The following ZNF469 variants were observed in gnomAD, a reference collection of about 807,000 sequenced individuals.
ZNF469 encodes the protein zinc finger protein 469.
A neutral mutation model predicts 1.0 loss-of-function variants in ZNF469; 1 was observed. The observed-to-expected ratio is 1.00, with a 90% CI of 0.35 to 4.73. The LOEUF is 4.73. Among genes scored for constraint, ZNF469 ranks in the 30% most tolerant of loss-of-function variants. The pLI, the probability that ZNF469 is intolerant of heterozygous loss-of-function variation, is 0.16. For synonymous variants in ZNF469, 2,703 were observed against 2,363.4 expected (o/e 1.14, Z -4.17); for missense variants, 6,100 against 5,356.3 (o/e 1.14, Z -4.33).
the ZNF469 span, among the ~76,000 whole-genome samples, chr16:88,301,840 G>A: frequency 5.3e-5 from 8 of 152,104 alleles, no homozygotes; most frequent in Middle Eastern, 3.4e-3. Flanking sequence ...ATCTCCACTC[G>A]GGGCTCAGCA....
At chr16:88,252,667 C>G in the ZNF469 span, among the ~76,000 whole-genome samples, 7 of 152,326 alleles carry the variant, frequency 4.6e-5, no homozygotes, top group African/African-American at 9.6e-5. Flanking sequence ...GAGACTATGA[C>G]TTCATTTGAA....
the ZNF469 span, among the ~76,000 whole-genome samples, chr16:88,103,290 C>T: frequency 6.6e-6 from 1 of 152,250 alleles, no homozygotes; most frequent in African/African-American, 2.4e-5. Flanking sequence ...TCCTGTTTGT[C>T]CCCACAGCAG....
chr16:88,224,339 C>T, the ZNF469 span, among the ~76,000 whole-genome samples: 11 of 152,212 alleles, frequency 7.2e-5, no homozygotes, highest in Non-Finnish European at 1.0e-4. Flanking sequence ...CACAGCACCG[C>T]GGGGCCCCGC....
At chr16:88,343,684 G>A in the ZNF469 span, among the ~76,000 whole-genome samples, 4 of 152,020 alleles carry the variant, frequency 2.6e-5, no homozygotes, top group Non-Finnish European at 5.9e-5. Flanking sequence ...TGGTGGCTCA[G>A]GTCTCTCTTC....
the ZNF469 span, among the ~76,000 whole-genome samples, chr16:88,267,354 C>T: frequency 7.9e-5 from 12 of 152,214 alleles, no homozygotes; most frequent in Non-Finnish European, 8.8e-5. Flanking sequence ...AGCCTCACTT[C>T]GGTGCCAGTC....
the ZNF469 span, among the ~76,000 whole-genome samples, chr16:88,215,755 T>C: frequency 6.6e-6 from 1 of 152,050 alleles, no homozygotes; most frequent in Non-Finnish European, 1.5e-5. Context: ...CTTTTGCTAG[T>C]CTTTTAGTAG....
chr16:88,417,489 AT>A (rs1905335079), intron 1 of ZNF469, among the ~76,000 whole-genome samples: 1 of 152,158 alleles, frequency 6.6e-6, no homozygotes, highest in South Asian at 2.1e-4. Context: ...GCCTGGCTGT[AT>A]TCACCTTGGC....
chr16:88,247,368 ATGAG>A, the ZNF469 span, among the ~76,000 whole-genome samples: 9 of 88,912 alleles, frequency 1.0e-4, no homozygotes, highest in Middle Eastern at 5.9e-3. Context: ...GAGTGAATGA[ATGAG>A]TGAGTGAATG....
chr16:88,409,416 T>C (rs1207653388), intron 1 of ZNF469, among the ~76,000 whole-genome samples: 2 of 152,024 alleles, frequency 1.3e-5, no homozygotes, highest in Non-Finnish European at 2.9e-5. Context: ...GGCTGGTCAC[T>C]CGAGTCCTCA....
At chr16:88,121,865 C>T in the ZNF469 span, among the ~76,000 whole-genome samples, 1 of 152,216 alleles carries the variant, frequency 6.6e-6, no homozygotes, top group African/African-American at 2.4e-5. Flanking sequence ...TACTCACTGG[C>T]CACTAGAACA....
At chr16:88,171,946 A>G in the ZNF469 span, among the ~76,000 whole-genome samples, 1 of 152,194 alleles carries the variant, frequency 6.6e-6, no homozygotes, top group African/African-American at 2.4e-5. Flanking sequence ...CTACTAGAAA[A>G]CTGGATGAAG....
the ZNF469 span, among the ~76,000 whole-genome samples, chr16:88,349,463 C>T: frequency 4.3e-4 from 64 of 148,236 alleles, no homozygotes; most frequent in East Asian, 1.4e-3. Context: ...CACACAAGTA[C>T]GCACACCCGG....
chr16:88,244,684 GGTTT>G, the ZNF469 span, among the ~76,000 whole-genome samples: 1 of 131,608 alleles, frequency 7.6e-6, no homozygotes, highest in Non-Finnish European at 1.6e-5. Context: ...TGGGTAAATG[GGTTT>G]ATGGATGGAT....
chr16:88,341,886 A>T, the ZNF469 span, among the ~76,000 whole-genome samples: 1 of 152,122 alleles, frequency 6.6e-6, no homozygotes, highest in South Asian at 2.1e-4. Flanking sequence ...CGAGAGCATC[A>T]CCAAGGGCGC....
chr16:88,232,209 C>T, the ZNF469 span, among the ~76,000 whole-genome samples: 12 of 152,338 alleles, frequency 7.9e-5, no homozygotes, highest in South Asian at 8.3e-4. Context: ...CACGCTGAGT[C>T]CTGCCACTTC....
the ZNF469 span, among the ~76,000 whole-genome samples, chr16:88,308,322 T>C: frequency 8.5e-5 from 13 of 152,298 alleles, no homozygotes; most frequent in African/African-American, 2.9e-4. Context: ...TCCCTTACAT[T>C]TCCATATGAA....
the ZNF469 span, among the ~76,000 whole-genome samples, chr16:88,322,892 G>A: frequency 4.7e-5 from 7 of 149,658 alleles, no homozygotes; most frequent in African/African-American, 7.3e-5. Flanking sequence ...TGTGACTGTC[G>A]GAGGCAAGGA....
At chr16:88,290,460 C>T in the ZNF469 span, among the ~76,000 whole-genome samples, 1 of 152,148 alleles carries the variant, frequency 6.6e-6, no homozygotes, top group Non-Finnish European at 1.5e-5. Context: ...CACAGTTGGG[C>T]CATGACAGTT....
At chr16:88,305,745 T>C in the ZNF469 span, among the ~76,000 whole-genome samples, 2 of 152,076 alleles carry the variant, frequency 1.3e-5, no homozygotes, top group Admixed American at 6.5e-5. Context: ...TGCATGCTCA[T>C]ACACACGGAA....
Sources: gnomAD v4.1 joint callset for allele counts (sites outside exome capture counted in the v4.1 genomes callset) on GRCh38, gnomAD v4.1.1 for gene constraint, MANE v1.5 for transcripts, NCBI Gene and HGNC (gene_info 2026-07-23, HGNC 2026-07-21) for gene names.